Variants in CREM observed in about 807,000 individuals in gnomAD.
CREM encodes cAMP responsive element modulator, also known as cAMP-responsive element modulator.
Under a neutral mutation model 37.3 loss-of-function variants are expected in CREM, and 13 were observed. The ratio of observed to expected loss-of-function variants is 0.35; its 90% CI spans 0.23 to 0.55. The LOEUF is 0.55. Ranked by LOEUF, CREM falls within the 20% of genes least tolerant of loss-of-function variation. CREM has a pLI of 0.88. For synonymous variants in CREM, 124 were observed against 120.2 expected (o/e 1.03, Z -0.21); for missense variants, 296 against 362.3 (o/e 0.82, Z 1.49).
chr10:35,188,160 T>C, intron 5 of CREM, 40 bp from the exon 6 acceptor site: 1 of 1,556,292 alleles, frequency 6.4e-7, no homozygotes, highest in Non-Finnish European at 8.7e-7. Flanking sequence ...TAAAAATAAA[T>C]CTTGAAATTC....
intron 5 of CREM, among the ~76,000 whole-genome samples, chr10:35,183,641 C>A (rs2094442590): frequency 6.6e-6 from 1 of 152,192 alleles, no homozygotes; most frequent in African/African-American, 2.4e-5. Flanking sequence ...GGTCTGTTTG[C>A]TGCTGTTTTT....
intron 3 of CREM, among the ~76,000 whole-genome samples, chr10:35,149,933 C>CACACACAA (rs2092464892): frequency 7.1e-6 from 1 of 140,512 alleles, no homozygotes; most frequent in Non-Finnish European, 1.6e-5. Flanking sequence ...CACACACACA[C>CACACACAA]ACACACCCTT....
At chr10:35,175,630 C>A in intron 3 of CREM, 1 of 1,589,808 alleles carries the variant, frequency 6.3e-7, no homozygotes, top group Non-Finnish European at 8.6e-7. Context: ...GCACCAAAAG[C>A]GATAAGGAGC....
At chr10:35,146,513 A>G (rs1286460502) in intron 2 of CREM, among the ~76,000 whole-genome samples, 1 of 152,162 alleles carries the variant, frequency 6.6e-6, no homozygotes, top group African/African-American at 2.4e-5. Flanking sequence ...TAATGTCCTG[A>G]GGTATTTTCT....
At chr10:35,158,817 G>GTTTTTTTTTTTTTT (rs1491230780) in intron 3 of CREM, among the ~76,000 whole-genome samples, 1 of 65,048 alleles carries the variant, frequency 1.5e-5, no homozygotes, top group African/African-American at 4.6e-5. Context: ...TTGTTGTTTT[G>GTTTTTTTTTTTTTT]TTTGTTTTTT....
In CREM at chr10:35,172,872, C is replaced by T. The variant is rs190853764; in HGVS notation, c.169-6017C>T. Among the ~76,000 whole-genome samples the T allele has an allele frequency of 3.6e-3, 545 of 152,264 alleles. 7 individuals are homozygous for T. The highest frequency in any genetic ancestry group is 3.5e-3 in the Non-Finnish European group (238 of 68,022). On this transcript the variant is annotated intron_variant, in intron 3 of 7. Coordinates refer to ENST00000685392, the MANE Select transcript of CREM (RefSeq NM_183011.2). The stretch of plus-strand genomic sequence containing the variant: ...GGCTATTCAAACTTGAAGACATTTC[C>T]TCAAAAACAAATGAAGTGAGCTTGT...
intron 2 of CREM, among the ~76,000 whole-genome samples, chr10:35,141,878 A>G (rs1289330755): frequency 1.3e-5 from 2 of 152,220 alleles, no homozygotes; most frequent in Non-Finnish European, 2.9e-5. Context: ...TCAGCGAATC[A>G]GATGAGAAGA....
At chr10:35,185,128 G>A (rs975724917) in intron 5 of CREM, among the ~76,000 whole-genome samples, 6 of 145,770 alleles carry the variant, frequency 4.1e-5, no homozygotes, top group Non-Finnish European at 9.0e-5. Flanking sequence ...TTTTTGAGAC[G>A]GAGTTTTGCT....
intron 5 of CREM, among the ~76,000 whole-genome samples, chr10:35,187,209 T>TTATATAAATATATTAATATATAA (rs2094679969): frequency 2.7e-5 from 2 of 73,632 alleles, no homozygotes; most frequent in African/African-American, 9.3e-5. Context: ...ATAATATATA[T>TTATATAAATATATTAATATATAA]TATATATTTA....
chr10:35,176,012 C>T, intron 3 of CREM: 2 of 1,542,500 alleles, frequency 1.3e-6, no homozygotes, highest in South Asian at 2.5e-5. Flanking sequence ...TAGCTTCCTT[C>T]CTGAATGGTT....
intron 6 of CREM, among the ~76,000 whole-genome samples, chr10:35,198,646 A>G (rs1464995331): frequency 1.3e-5 from 2 of 152,166 alleles, no homozygotes; most frequent in African/African-American, 2.4e-5. Flanking sequence ...TGTTAGGAGC[A>G]TAATTTCCTA....
In CREM at chr10:35,157,525, A is replaced by G. The variant is rs571745876; in HGVS notation, c.168+9034A>G. On this transcript the variant is annotated intron_variant, in intron 3 of 7. Transcript: ENST00000685392. ...TGGCACACACCTGTAAGTCCCAGCT[A>G]CTTGGGAGGCTGAGGTGGGAGGATG... is the stretch of plus-strand genomic sequence containing the variant. Among the ~76,000 whole-genome samples the G allele has an allele frequency of 3.3e-5, 5 of 151,804 alleles. No individual in the cohort carries two copies. The East Asian group carries it at 9.7e-4, about 29-fold the overall frequency.
intron 1 of CREM, among the ~76,000 whole-genome samples, chr10:35,131,953 C>T (rs764521050): frequency 2.6e-5 from 4 of 152,122 alleles, no homozygotes; most frequent in Non-Finnish European, 5.9e-5. Context: ...CGGTGGCTCA[C>T]GCCTGTAATC....
intron 5 of CREM, among the ~76,000 whole-genome samples, chr10:35,186,071 C>A (rs190407204): frequency 1.5e-3 from 234 of 152,286 alleles, no homozygotes; most frequent in Middle Eastern, 3.4e-3. Context: ...TGTTACGCTA[C>A]TGTAAGGTAT....
rs538995650 is a variant in CREM at position 35,151,808 on chromosome 10, A to G, written c.168+3317A>G. 1.1e-4 allele frequency among the ~76,000 whole-genome samples: 17 copies of G among 152,346 alleles called. No homozygotes were observed. In the South Asian group the frequency reaches 3.1e-3, roughly 28 times the overall value. On this transcript the variant is annotated intron_variant, in intron 3 of 7. Coordinates refer to ENST00000685392, the MANE Select transcript of CREM (RefSeq NM_183011.2). ...CTAAGAATTATCCTCCATGCCATGC[A>G]TGGATCATGATTTTTTGAAGAATTA...
At chr10:35,148,099 C>T (rs570506720) in intron 2 of CREM, among the ~76,000 whole-genome samples, 3 of 152,160 alleles carry the variant, frequency 2.0e-5, no homozygotes, top group East Asian at 1.9e-4. Context: ...GGTCTAGACA[C>T]GAGATTCATT....
chr10:35,211,186 T>C (rs1056191493), intron 7 of CREM, 68 bp from the exon 8 acceptor site: 2 of 1,550,226 alleles, frequency 1.3e-6, no homozygotes. Context: ...GGGGCAGAAG[T>C]GCACTGACCC....
At chr10:35,127,731 C>CA (rs1005713131) in intron 1 of CREM, among the ~76,000 whole-genome samples, 23 of 152,348 alleles carry the variant, frequency 1.5e-4, no homozygotes, top group African/African-American at 5.5e-4. Context: ...GTGGGAAGGG[C>CA]AGAGCCGCGA....
chr10:35,193,876 G>A (rs1590320716), intron 6 of CREM, among the ~76,000 whole-genome samples: 1 of 151,890 alleles, frequency 6.6e-6, no homozygotes, highest in Non-Finnish European at 1.5e-5. Flanking sequence ...GAGGTGGGTG[G>A]ATCACCTGAG....
Sources: gnomAD v4.1 joint callset for allele counts (sites outside exome capture counted in the v4.1 genomes callset) on GRCh38, gnomAD v4.1.1 for gene constraint, MANE v1.5 for transcripts, NCBI Gene and HGNC (gene_info 2026-07-23, HGNC 2026-07-21) for gene names.